The following PABIR2 variants were observed in gnomAD, a reference collection of about 807,000 sequenced individuals.
The protein encoded by PABIR2 is PABIR family member 2, also known as family with sequence similarity 122B.
A neutral mutation model predicts 22.8 loss-of-function variants in PABIR2; 7 were observed. The ratio of observed to expected loss-of-function variants is 0.31; its 90% CI spans 0.17 to 0.58. The LOEUF is 0.58. Ranked by LOEUF, PABIR2 falls within the 20% of genes least tolerant of loss-of-function variation. PABIR2 has a pLI of 0.89. For synonymous variants in PABIR2, 67 were observed against 73.8 expected (o/e 0.91, Z 0.47); for missense variants, 155 against 205.1 (o/e 0.76, Z 1.49).
chrX:134,774,845 T>C (rs2147879691), intron 9 of PABIR2, among the ~76,000 whole-genome samples: 1 of 112,461 alleles, frequency 8.9e-6, no homozygotes, highest in African/African-American at 3.2e-5. Flanking sequence ...CTGGTACAAC[T>C]ACTCATGGTC....
rs1225007473 is a variant in PABIR2 at position 134,785,866 on chromosome X, G to T, written c.562+20C>A. 1.7e-6 allele frequency: 2 copies of T among 1,194,871 alleles called. No homozygotes were observed. The highest frequency in any genetic ancestry group is 2.3e-6 in the Non-Finnish European group (2 of 880,571). On this transcript the variant is annotated intron_variant, in intron 8 of 9. Coordinates refer to ENST00000343004, the MANE Select transcript of PABIR2 (RefSeq NM_001387468.1). ...ATGTGACACAGTAGCATTAGCTATA[G>T]TCACCACGCTGCTACATACCTTTTC...
At chrX:134,773,228 T>A (rs2078880725) in intron 9 of PABIR2, among the ~76,000 whole-genome samples, 1 of 110,502 alleles carries the variant, frequency 9.0e-6, no homozygotes. Context: ...AATCCAGTAA[T>A]AAGCTCTATG....
At chrX:134,792,676 G>A (rs2079580878) in intron 2 of PABIR2, among the ~76,000 whole-genome samples, 1 of 112,199 alleles carries the variant, frequency 8.9e-6, no homozygotes, top group African/African-American at 3.2e-5. Flanking sequence ...CTAATTGTGC[G>A]ATTCTGAGCA....
Position 134,793,810 on chromosome X carries a change from C to A in PABIR2, c.177+5G>T. On this transcript the variant is annotated splice_donor_5th_base_variant and intron_variant, in intron 2 of 9. Transcript: ENST00000343004. ...ATCACTTCAGATACTTACTTCTATA[C>A]TTACCAGGCTGTGACGGCTCATAAT... The A allele has an allele frequency of 8.3e-7, 1 of 1,206,890 alleles. No individual in the cohort carries two copies. The highest frequency in any genetic ancestry group is 1.1e-6 in the Non-Finnish European group (1 of 891,645).
intron 6 of PABIR2, 77 bp from the exon 7 acceptor site, chrX:134,787,610 C>CT (rs1179720154): frequency 0.041 from 11,544 of 279,433 alleles, 95 homozygotes; most frequent in African/African-American, 0.098. Context: ...AGTTTTCTTT[C>CT]TTTTTTTTTT....
At chrX:134,794,713 G>A (rs2079669231) in intron 1 of PABIR2, among the ~76,000 whole-genome samples, 1 of 112,196 alleles carries the variant, frequency 8.9e-6, no homozygotes, top group Non-Finnish European at 1.9e-5. Flanking sequence ...AGAGGGCGAT[G>A]CCCACAATAA....
chrX:134,785,042 T>C (rs2079271535), intron 8 of PABIR2, among the ~76,000 whole-genome samples: 1 of 112,261 alleles, frequency 8.9e-6, no homozygotes, highest in African/African-American at 3.2e-5. Context: ...TTCTGCAGTT[T>C]ATAAACTATG....
chrX:134,791,431 T>A (rs187841428), intron 2 of PABIR2, among the ~76,000 whole-genome samples: 58 of 110,160 alleles, frequency 5.3e-4, no homozygotes, highest in African/African-American at 1.9e-3. Flanking sequence ...GGAGTGTAGA[T>A]TATGCTTTGA....
intron 9 of PABIR2, among the ~76,000 whole-genome samples, chrX:134,773,761 C>A (rs111345331): frequency 0.038 from 4,293 of 111,657 alleles, 198 homozygotes; most frequent in African/African-American, 0.13. Flanking sequence ...GTCACTAGCT[C>A]CTTTGAAAAA....
chrX:134,776,456 A>G (rs1385172959), intron 9 of PABIR2, among the ~76,000 whole-genome samples: 1 of 110,975 alleles, frequency 9.0e-6, no homozygotes, highest in Non-Finnish European at 1.9e-5. Context: ...AGAGCAGATT[A>G]AGAGCTCCCA....
chrX:134,782,807 A>G (rs1262285401), intron 8 of PABIR2, among the ~76,000 whole-genome samples: 1 of 112,360 alleles, frequency 8.9e-6, no homozygotes, highest in Non-Finnish European at 1.9e-5. Flanking sequence ...CAAACGCAAC[A>G]TTCATTTTGT....
chrX:134,784,399 G>A (rs1429820631), intron 8 of PABIR2, among the ~76,000 whole-genome samples: 1 of 110,624 alleles, frequency 9.0e-6, no homozygotes, highest in Non-Finnish European at 1.9e-5. Context: ...AGGAGGTGGA[G>A]GTTGCAGTGA....
Position 134,771,714 on chromosome X carries a change from T to C in PABIR2, c.*425A>G, listed in dbSNP as rs1378151051. 1.3e-6 allele frequency: 1 copy of C among 788,783 alleles called. No individual in the cohort carries two copies. Among genetic ancestry groups the C allele is most frequent in the African/African-American group, 2.2e-5 (1 of 44,667 alleles). 65.0% of individuals were successfully genotyped at this position (788,783 alleles called of 1,213,427 possible). On this transcript the variant is annotated 3_prime_UTR_variant, in exon 10 of 10. Coordinates refer to ENST00000343004, the MANE Select transcript of PABIR2 (RefSeq NM_001387468.1). ...AAATAAAGAGAGATTTGAAACTATGTAGTCAACAGAGGACAAAAAAAAATC... is the reference window on the plus strand; with the variant it reads ...AAATAAAGAGAGATTTGAAACTATGCAGTCAACAGAGGACAAAAAAAAATC...
At chrX:134,789,170 G>A (rs1456794270) in intron 4 of PABIR2, 31 bp from the exon 5 acceptor site, 3 of 1,210,568 alleles carry the variant, frequency 2.5e-6, no homozygotes, top group Non-Finnish European at 3.4e-6. Flanking sequence ...GGCCGTCAGT[G>A]TTTACAAACA....
In PABIR2 at chrX:134,796,197, C is replaced by G. The variant is rs1304780432; in HGVS notation, c.9G>C (p.Gln3His). 1 of 1,206,535 alleles carries G rather than the reference C, an allele frequency of 8.3e-7. No individual in the cohort carries two copies. Among genetic ancestry groups the G allele is most frequent in the African/African-American group, 1.8e-5 (1 of 56,270 alleles). MA[Q>H]EKMELDLEPD... ...GCTCAAGGTCCAGCTCCATTTTCTC[C>G]TGAGCCATGTCAGACTTGCAGGCAG... The change falls in exon 1 of 10, where the codon CAG becomes CAC. Residue 3 changes from glutamine to histidine, a missense_variant. Coordinates refer to ENST00000343004, the MANE Select transcript of PABIR2 (RefSeq NM_001387468.1).
intron 9 of PABIR2, 54 bp downstream of exon 9, chrX:134,781,767 C>T: frequency 2.3e-6 from 2 of 871,273 alleles, no homozygotes; most frequent in Middle Eastern, 3.0e-4. Flanking sequence ...CAATGTGGCT[C>T]TTTTAAAATG....
intron 2 of PABIR2, 122 bp from the exon 3 acceptor site, chrX:134,789,758 T>C: frequency 3.4e-6 from 2 of 596,792 alleles, no homozygotes; most frequent in Non-Finnish European, 5.1e-6. Context: ...TTTAGCTCTT[T>C]AGATCACTGA....
At chrX:134,787,112 T>C (rs1603038778) in intron 7 of PABIR2, among the ~76,000 whole-genome samples, 2 of 108,086 alleles carry the variant, frequency 1.9e-5, no homozygotes, top group East Asian at 2.9e-4. Flanking sequence ...TTTTTTTTTT[T>C]TTTTGAGACA....
At position 134,786,737 on chromosome X, in the gene PABIR2, G is replaced by C. The variant is rs141889964; in HGVS notation, c.497+735C>G. Among the ~76,000 whole-genome samples the C allele has an allele frequency of 9.1e-3, 1,008 of 110,900 alleles. 10 individuals carry two copies. The highest frequency in any genetic ancestry group is 0.031 in the African/African-American group (934 of 30,495). On this transcript the variant is annotated intron_variant, in intron 7 of 9. Coordinates refer to ENST00000343004, the MANE Select transcript of PABIR2 (RefSeq NM_001387468.1). ...CTTTGGGAGGCCGAGGAGGGCACGA[G>C]GTCAAGAGATTGAGACCATCCTGGC...
Sources: gnomAD v4.1 joint callset for allele counts (sites outside exome capture counted in the v4.1 genomes callset) on GRCh38, gnomAD v4.1.1 for gene constraint, MANE v1.5 for transcripts, NCBI Gene and HGNC (gene_info 2026-07-23, HGNC 2026-07-21) for gene names.